RARB: variants seen among roughly 807,000 people sequenced by gnomAD.
RARB encodes HBV-activated protein.
Under a neutral mutation model 51.9 loss-of-function variants are expected in RARB, and 17 were observed. The observed-to-expected ratio is 0.33, with a 90% CI of 0.22 to 0.49. RARB has a LOEUF of 0.49. Ranked by LOEUF, RARB falls within the 20% of genes least tolerant of loss-of-function variation. RARB has a pLI of 0.99. For missense variants in RARB, 369 were observed against 550.8 expected (o/e 0.67, Z 3.30); for synonymous variants, 215 against 195.4 (o/e 1.10, Z -0.84).
chr3:24,994,389 T>G (rs73143066), intron 2 of RARB, among the ~76,000 whole-genome samples: 8,309 of 152,206 alleles, frequency 0.055, 731 homozygotes, highest in African/African-American at 0.18. Flanking sequence ...TTGTATATTC[T>G]GGATATTAAT....
chr3:25,521,535 C>T (rs75457499), intron 3 of RARB, among the ~76,000 whole-genome samples: 3,686 of 152,266 alleles, frequency 0.024, 149 homozygotes, highest in African/African-American at 0.084. Context: ...TTTGGTTCTG[C>T]TGGCCTGTAA....
At chr3:25,194,393 A>G (rs2125365762) in intron 5 of RARB, among the ~76,000 whole-genome samples, 1 of 151,770 alleles carries the variant, frequency 6.6e-6, no homozygotes, top group South Asian at 2.1e-4. Context: ...CCATATGCAC[A>G]TACACAAAAA....
intron 2 of RARB, among the ~76,000 whole-genome samples, chr3:24,938,373 A>G (rs1695589052): frequency 6.6e-6 from 1 of 152,146 alleles, no homozygotes; most frequent in South Asian, 2.1e-4. Context: ...AGGATTTCTG[A>G]GAGCCATGTT....
Position 25,287,108 on chromosome 3 carries a change from T to C in RARB, c.178+112533T>C, listed in dbSNP as rs117305297. Among the ~76,000 whole-genome samples, 25 of 152,370 alleles carry C rather than the reference T, an allele frequency of 1.6e-4. 1 individual carries two copies. In the East Asian group the frequency reaches 4.8e-3, roughly 29 times the overall value. On this transcript the variant is annotated intron_variant, in intron 5 of 11. Transcript: ENST00000383772. ...GTCATTTATACACCACATAAACTAA[T>C]TCACATTCTAGTGATACAGGTTTTA...
chr3:25,174,675 T>C (rs577629796), intron 5 of RARB: 908 of 1,118,528 alleles, frequency 8.1e-4, no homozygotes, highest in Non-Finnish European at 9.2e-4. Context: ...TCTTATTTCA[T>C]TGGGTGCTGG....
chr3:24,984,016 G>A (rs1253063188), intron 2 of RARB, among the ~76,000 whole-genome samples: 1 of 151,944 alleles, frequency 6.6e-6, no homozygotes, highest in Non-Finnish European at 1.5e-5. Flanking sequence ...TCTAATTTAG[G>A]TTGTGATGAA....
intron 2 of RARB, among the ~76,000 whole-genome samples, chr3:24,936,373 C>T (rs950650864): frequency 6.6e-6 from 1 of 152,110 alleles, no homozygotes; most frequent in African/African-American, 2.4e-5. Flanking sequence ...TGTATACCTT[C>T]CCATGATACT....
intron 5 of RARB, among the ~76,000 whole-genome samples, chr3:25,584,631 CG>C (rs772841245): frequency 7.2e-5 from 11 of 152,074 alleles, no homozygotes; most frequent in Admixed American, 2.0e-4. Flanking sequence ...AGTGAGCCAG[CG>C]GGGGCGAGAC....
At chr3:25,137,352 A>T (rs1179465212) in intron 4 of RARB, among the ~76,000 whole-genome samples, 1 of 152,118 alleles carries the variant, frequency 6.6e-6, no homozygotes. Flanking sequence ...AATGCACATC[A>T]GTAAAGGATG....
intron 5 of RARB, among the ~76,000 whole-genome samples, chr3:25,333,981 C>T (rs961925841): frequency 1.4e-4 from 22 of 152,154 alleles, no homozygotes; most frequent in African/African-American, 5.1e-4. Flanking sequence ...CAATGAGATA[C>T]CATCTCACAC....
At chr3:25,246,217 T>A (rs1702556765) in intron 5 of RARB, among the ~76,000 whole-genome samples, 1 of 152,056 alleles carries the variant, frequency 6.6e-6, no homozygotes, top group South Asian at 2.1e-4. Flanking sequence ...TTAGCAGTAC[T>A]TCTAACATTT....
intron 5 of RARB, among the ~76,000 whole-genome samples, chr3:25,235,182 T>C (rs774379428): frequency 6.6e-6 from 1 of 152,194 alleles, no homozygotes; most frequent in Non-Finnish European, 1.5e-5. Flanking sequence ...TACTTCCTTA[T>C]TATCTGCCTG....
intron 2 of RARB, among the ~76,000 whole-genome samples, chr3:25,049,681 ATAAAAT>A (rs1379189626): frequency 1.3e-5 from 2 of 152,160 alleles, no homozygotes; most frequent in Admixed American, 6.6e-5. Context: ...ACATGAAAAA[ATAAAAT>A]TAAAAAATTA....
intron 2 of RARB, among the ~76,000 whole-genome samples, chr3:24,941,396 G>A (rs1223658969): frequency 6.7e-6 from 1 of 148,422 alleles, no homozygotes; most frequent in Non-Finnish European, 1.5e-5. Context: ...TTGAGACAGA[G>A]TCTCACTTCT....
At chr3:25,374,278 C>T (rs1388012947) in intron 5 of RARB, among the ~76,000 whole-genome samples, 3 of 152,120 alleles carry the variant, frequency 2.0e-5, no homozygotes, top group Non-Finnish European at 4.4e-5. Context: ...GGTCTGAGGA[C>T]TGGGAACAGG....
chr3:25,019,776 A>C (rs1697588517), intron 2 of RARB, among the ~76,000 whole-genome samples: 1 of 152,276 alleles, frequency 6.6e-6, no homozygotes, highest in East Asian at 1.9e-4. Flanking sequence ...AGGGTACCCA[A>C]GGAGGGCAGC....
At position 25,007,592 on chromosome 3, in the gene RARB, C is replaced by CA. The variant is rs759589176; in HGVS notation, c.-379-52521dup. On this transcript the variant is annotated intron_variant, in intron 2 of 11. Transcript: ENST00000383772. Reference sequence around the variant, plus strand: ...CCTGGGCAACAGAGTGAGACTGTCTCAAAAAAAAAAAACAAAAAAACCTCA... The same window carrying CA: ...CCTGGGCAACAGAGTGAGACTGTCTCAAAAAAAAAAAAACAAAAAAACCTCA... Among the ~76,000 whole-genome samples, 78 of 45,364 alleles carry CA rather than the reference C, an allele frequency of 1.7e-3. 9 individuals carry two copies. Among genetic ancestry groups the CA allele is most frequent in the Admixed American group, 2.9e-3 (9 of 3,068 alleles). 29.8% of individuals were successfully genotyped at this position (45,364 alleles called of 152,430 possible).
intron 5 of RARB, among the ~76,000 whole-genome samples, chr3:25,418,078 G>C (rs1167458352): frequency 2.0e-5 from 3 of 152,272 alleles, no homozygotes; most frequent in East Asian, 1.9e-4. Context: ...AAGTGACATT[G>C]AATTTGCACA....
At chr3:25,392,001 T>C (rs1024566592) in intron 5 of RARB, among the ~76,000 whole-genome samples, 4 of 152,216 alleles carry the variant, frequency 2.6e-5, no homozygotes, top group Non-Finnish European at 5.9e-5. Context: ...TGATGTTATC[T>C]TCTAGAATTT....
Sources: gnomAD v4.1 joint callset for allele counts (sites outside exome capture counted in the v4.1 genomes callset) on GRCh38, gnomAD v4.1.1 for gene constraint, MANE v1.5 for transcripts, NCBI Gene and HGNC (gene_info 2026-07-23, HGNC 2026-07-21) for gene names.